The following GPRC5B variants were observed in gnomAD, a reference collection of about 807,000 sequenced individuals.
The protein encoded by GPRC5B is G protein-coupled receptor class C group 5 member B.
A neutral mutation model predicts 30.1 loss-of-function variants in GPRC5B; 16 were observed. That is an observed-to-expected ratio of 0.53 (90% CI 0.36 to 0.81). GPRC5B has a LOEUF of 0.81. GPRC5B is among the 30% of genes least tolerant of loss of function. GPRC5B has a pLI of 0.01. For synonymous variants in GPRC5B, 241 were observed against 239.5 expected, an observed-to-expected ratio of 1.01 and a Z score of -0.06; for missense variants, 428 against 544.7, an observed-to-expected ratio of 0.79 and a Z score of 2.13.
rs1431569584 is a variant in GPRC5B, at chr16:19,872,826, C to T, written c.20G>A (p.Arg7Lys). The T allele has an allele frequency of 1.9e-6, 3 of 1,612,220 alleles. No individual in the cohort carries two copies. The highest frequency in any genetic ancestry group is 1.3e-5 in the African/African-American group (1 of 75,020). ...GAGCACCTGGTGAGCTCTCATCTTT[C>T]TCTCTGATGCCACGAACATTCTAGA... is the stretch of plus-strand genomic sequence containing the variant. MFVASE[R>K]KMRAHQVLTF... Residue 7 changes from arginine (R) to lysine (K), a missense_variant, in exon 2 of 4, where the codon AGA becomes AAA. By Grantham distance (26) the Arg-to-Lys change is conservative. Transcript: ENST00000300571. This position sits in a 1 kb window ranked among gnomAD's most constrained non-coding sequence, Gnocchi z 5.0.
chr16:19,878,013 A>G (rs1160195106), intron 1 of GPRC5B, among the ~76,000 whole-genome samples: 2 of 152,020 alleles, frequency 1.3e-5, no homozygotes, highest in African/African-American at 2.4e-5. Context: ...AGTCTAGCCA[A>G]CATGGTGAAA....
Position 19,857,042 on chromosome 16 carries a change from T to G in GPRC5B, c.*3458A>C, listed in dbSNP as rs1047569945. ...TTTCCAAAGGAGACCACTCCTTAAC[T>G]TTTACTGCAAACCCAACAAGATGAG... On this transcript the variant is annotated 3_prime_UTR_variant, in exon 4 of 4. Coordinates refer to ENST00000300571, the MANE Select transcript of GPRC5B (RefSeq NM_016235.3). 3.5e-5 allele frequency: 6 copies of G among 171,594 alleles called. No individual in the cohort carries two copies. Among genetic ancestry groups the G allele is most frequent in the African/African-American group, 1.4e-4 (6 of 41,690 alleles). 10.6% of individuals were successfully genotyped at this position (171,594 alleles called of 1,614,324 possible).
rs1468127984 is a variant in GPRC5B, at chr16:19,858,264, CAACCTT to C, written c.*2230_*2235del. The C allele has an allele frequency of 5.0e-6, 2 of 399,110 alleles. No homozygotes were observed. The highest frequency in any genetic ancestry group is 4.4e-6 in the Non-Finnish European group (1 of 226,382). 24.7% of individuals were successfully genotyped at this position (399,110 alleles called of 1,614,324 possible). On this transcript the variant is annotated 3_prime_UTR_variant, in exon 4 of 4. Transcript: ENST00000300571. ...ATTATGAAGGCGTTCAGCCCACTCT[CAACCTT>C]AAAAGCCAAAATAAAACAAAACCCT...
In GPRC5B at chr16:19,858,481, C is replaced by T; in HGVS notation, c.*2019G>A. Reference sequence around the variant, plus strand: ...TTAGAAAACGAACGTGTGAATTGCTCCATCGTGTGAATGGTATCAGAAAGC... The same window carrying T: ...TTAGAAAACGAACGTGTGAATTGCTTCATCGTGTGAATGGTATCAGAAAGC... On this transcript the variant is annotated 3_prime_UTR_variant, in exon 4 of 4. Transcript: ENST00000300571. 1.5e-6 allele frequency: 1 copy of T among 689,088 alleles called. No homozygotes were observed. The highest frequency in any genetic ancestry group is 2.7e-5 in the East Asian group (1 of 36,676). 42.7% of individuals were successfully genotyped at this position (689,088 alleles called of 1,614,324 possible). A position where few individuals can be genotyped will look rare whatever the true frequency, so the allele number is the denominator to read the frequency against.
At chr16:19,871,281 C>CAAAAAAA (rs71375667) in intron 2 of GPRC5B, among the ~76,000 whole-genome samples, 32 of 70,348 alleles carry the variant, frequency 4.5e-4, no homozygotes, top group African/African-American at 5.4e-4. Flanking sequence ...GACCCTGTCT[C>CAAAAAAA]AAAAAAAAAA....
intron 2 of GPRC5B, among the ~76,000 whole-genome samples, chr16:19,862,671 CA>C (rs1367055693): frequency 5.9e-5 from 9 of 152,258 alleles, no homozygotes; most frequent in Non-Finnish European, 4.4e-5. Context: ...CTAATCCTAG[CA>C]TTTTGGGAGG....
intron 2 of GPRC5B, among the ~76,000 whole-genome samples, chr16:19,867,229 CAG>C (rs1428469485): frequency 1.3e-5 from 2 of 152,202 alleles, no homozygotes; most frequent in East Asian, 1.9e-4. Flanking sequence ...TTCCATGACA[CAG>C]GGGTCAGGCA....
intron 1 of GPRC5B, among the ~76,000 whole-genome samples, chr16:19,878,952 A>C (rs1303348375): frequency 2.6e-5 from 4 of 152,196 alleles, no homozygotes; most frequent in Non-Finnish European, 4.4e-5. Context: ...CCAGTGCTGC[A>C]GGCGATGTGG....
intron 2 of GPRC5B, among the ~76,000 whole-genome samples, chr16:19,862,917 A>G (rs1390820590): frequency 1.3e-5 from 2 of 152,192 alleles, no homozygotes; most frequent in African/African-American, 4.8e-5. Context: ...CACACACAAA[A>G]AGTCTTCCCT....
intron 3 of GPRC5B, 112 bp downstream of exon 3, chr16:19,861,725 C>T (rs1420976690): frequency 1.2e-6 from 1 of 828,762 alleles, no homozygotes; most frequent in African/African-American, 1.7e-5. Flanking sequence ...CTGTGGCGGT[C>T]CTTGCAGGCC....
chr16:19,860,848 TG>T (rs2056615898), intron 3 of GPRC5B, among the ~76,000 whole-genome samples: 1 of 152,040 alleles, frequency 6.6e-6, no homozygotes, highest in South Asian at 2.1e-4. Flanking sequence ...GAGTGACGGA[TG>T]GGGGCTTTTC....
At chr16:19,864,835 AG>A (rs2056653937) in intron 2 of GPRC5B, among the ~76,000 whole-genome samples, 2 of 152,110 alleles carry the variant, frequency 1.3e-5, no homozygotes, top group Admixed American at 1.3e-4. Flanking sequence ...CAGCCAGCAA[AG>A]CAAGGGTTTC....
Position 19,858,475 on chromosome 16 carries a change from A to C in GPRC5B, c.*2025T>G, listed in dbSNP as rs1326244173. On this transcript the variant is annotated 3_prime_UTR_variant, in exon 4 of 4. Coordinates refer to ENST00000300571, the MANE Select transcript of GPRC5B (RefSeq NM_016235.3). ...AAGAACTTAGAAAACGAACGTGTGA[A>C]TTGCTCCATCGTGTGAATGGTATCA... 1.5e-6 allele frequency: 1 copy of C among 686,192 alleles called. No homozygotes were observed. Among genetic ancestry groups the C allele is most frequent in the South Asian group, 1.5e-5 (1 of 64,582 alleles). The allele number at this position is 686,192 out of a possible 1,614,324, so 42.5% of individuals were successfully genotyped here.
chr16:19,862,240 C>T lies in GPRC5B; in HGVS notation c.1031-267G>A, dbSNP rs573669072. On this transcript the variant is annotated intron_variant, in intron 2 of 3. Coordinates refer to ENST00000300571, the MANE Select transcript of GPRC5B (RefSeq NM_016235.3). ...GCCCATGGTTGGGCCTCTGGTTCCC[C>T]CTCCAAGCCACGCAGCCTCTGCAGG... is the stretch of plus-strand genomic sequence containing the variant. 1.7e-5 allele frequency: 7 copies of T among 424,082 alleles called. No individual in the cohort carries two copies. In the South Asian group the frequency reaches 1.9e-4, roughly 11 times the overall value. The allele number at this position is 424,082 out of a possible 1,614,324, so 26.3% of individuals were successfully genotyped here. A position where few individuals can be genotyped will look rare whatever the true frequency, so the allele number is the denominator to read the frequency against.
chr16:19,870,281 T>C (rs932760554), intron 2 of GPRC5B, among the ~76,000 whole-genome samples: 1 of 152,176 alleles, frequency 6.6e-6, no homozygotes, highest in Admixed American at 6.5e-5. Flanking sequence ...CTCAGTCTCA[T>C]TCTCCCTGTC....
At chr16:19,884,240 G>A (rs1421826996) in intron 1 of GPRC5B, among the ~76,000 whole-genome samples, 2 of 142,396 alleles carry the variant, frequency 1.4e-5, no homozygotes, top group African/African-American at 5.3e-5. Flanking sequence ...TTGACCCCCA[G>A]CCCCCGCGAC....
intron 2 of GPRC5B, among the ~76,000 whole-genome samples, chr16:19,864,409 C>T (rs1490910338): frequency 6.6e-6 from 1 of 152,262 alleles, no homozygotes. Flanking sequence ...CGAGGTGCTA[C>T]ATCTCTCAGT....
In GPRC5B at chr16:19,858,641, A is replaced by G; in HGVS notation, c.*1859T>C. Reference sequence around the variant, plus strand: ...TTTCAGAATACCGGGTCCGCATGCAACCGCCCCCACCCCCACCCCAGGTCC... The same window carrying G: ...TTTCAGAATACCGGGTCCGCATGCAGCCGCCCCCACCCCCACCCCAGGTCC... On this transcript the variant is annotated 3_prime_UTR_variant, in exon 4 of 4. Coordinates refer to ENST00000300571, the MANE Select transcript of GPRC5B (RefSeq NM_016235.3). 1 of 542,866 alleles carries G rather than the reference A, an allele frequency of 1.8e-6. No homozygotes were observed. Among genetic ancestry groups the G allele is most frequent in the Non-Finnish European group, 3.3e-6 (1 of 300,590 alleles). 33.6% of individuals were successfully genotyped at this position (542,866 alleles called of 1,614,324 possible). A position where few individuals can be genotyped will look rare whatever the true frequency, so the allele number is the denominator to read the frequency against.
At position 19,872,138 on chromosome 16, in the gene GPRC5B, G is replaced by A. The variant is rs1278373962; in HGVS notation, c.708C>T (p.Leu236=). The change falls in exon 2 of 4, where the codon CTC becomes CTT. Residue 236 remains leucine (L), a synonymous_variant. Coordinates refer to ENST00000300571, the MANE Select transcript of GPRC5B (RefSeq NM_016235.3). The surrounding 1 kb of genome is among the most constrained non-coding windows in gnomAD (Gnocchi z 5.0). ...GCACAGAGAGGAAGGCTGTGATGAG[G>A]AGGAAGGCCCCGTTCAGCTTCCACC... ...FKRWKLNGAF[L]LITAFLSVLI... is the part of the protein sequence containing the mutation. 1 of 1,614,026 alleles carries A rather than the reference G, an allele frequency of 6.2e-7. No homozygotes were observed. The highest frequency in any genetic ancestry group is 8.5e-7 in the Non-Finnish European group (1 of 1,180,024).
Sources: allele counts gnomAD v4.1 joint callset (sites outside exome capture counted in the v4.1 genomes callset), GRCh38; gene constraint gnomAD v4.1.1; non-coding constraint Gnocchi (gnomAD v3.1); transcripts MANE v1.5; gene names NCBI Gene and HGNC (gene_info 2026-07-23, HGNC 2026-07-21).